PRKCZ: variants seen among roughly 807,000 people sequenced by gnomAD.
The protein encoded by PRKCZ is protein kinase C zeta, also known as protein kinase C zeta type.
In PRKCZ, 33 loss-of-function variants were observed where a neutral mutation model predicts 79.5. The observed-to-expected ratio is 0.41, with a 90% CI of 0.31 to 0.55. PRKCZ has a LOEUF of 0.55. Among genes scored for constraint, PRKCZ ranks in the 20% least tolerant of loss-of-function variants. The pLI, the probability that PRKCZ is intolerant of heterozygous loss-of-function variation, is 0.19. For missense variants in PRKCZ, 578 were observed against 813.5 expected (o/e 0.71, Z 3.52); for synonymous variants, 342 against 320.9 (o/e 1.07, Z -0.70).
chr1:2,182,859 TAGAG>T (rs1467802137), intron 16 of PRKCZ: 1 of 153,198 alleles, frequency 6.5e-6, no homozygotes, highest in Non-Finnish European at 1.5e-5. Context: ...GAGAGTGGGT[TAGAG>T]AGTGAGTGAG....
At chr1:2,137,894 C>T (rs563765704) in intron 5 of PRKCZ, among the ~76,000 whole-genome samples, 16 of 152,294 alleles carry the variant, frequency 1.1e-4, no homozygotes, top group Middle Eastern at 3.4e-3. Flanking sequence ...GGCGTGTGAA[C>T]GAGCCAGTTT....
intron 5 of PRKCZ, chr1:2,141,191 C>T (rs1416632854): frequency 6.6e-6 from 1 of 152,098 alleles, no homozygotes; most frequent in African/African-American, 2.4e-5. Context: ...TTACAAAGCA[C>T]ACACGTGAGG....
At chr1:2,067,192 G>A (rs1259102896) in intron 4 of PRKCZ, among the ~76,000 whole-genome samples, 8 of 152,130 alleles carry the variant, frequency 5.3e-5, no homozygotes, top group Admixed American at 2.0e-4. Context: ...GCTCACTTGT[G>A]TTCTGTTCTG....
chr1:2,165,713 C>G lies in PRKCZ; in HGVS notation c.975-3805C>G, dbSNP rs1374101838. Among the ~76,000 whole-genome samples the G allele has an allele frequency of 6.6e-6, 1 of 152,208 alleles. No homozygotes were observed. The highest frequency in any genetic ancestry group is 2.4e-5 in the African/African-American group (1 of 41,466). ...ACTTTCTGTACACACATGGTGGTGG[C>G]CCGCCCGGACCCATCTGGTTAATTC... On this transcript the variant is annotated intron_variant, in intron 10 of 17. Transcript: ENST00000378567. This position sits in a 1 kb window ranked among gnomAD's most constrained non-coding sequence, Gnocchi z 4.1.
At chr1:2,161,413 T>G (rs943990653) in intron 10 of PRKCZ, among the ~76,000 whole-genome samples, 9 of 152,170 alleles carry the variant, frequency 5.9e-5, no homozygotes, top group African/African-American at 2.2e-4. Context: ...CCTGCACTCT[T>G]CGGGAACACT....
intron 4 of PRKCZ, among the ~76,000 whole-genome samples, chr1:2,100,093 CAT>C (rs538924857): frequency 4.1e-4 from 63 of 152,324 alleles, no homozygotes; most frequent in Non-Finnish European, 6.8e-4. Context: ...CTGACACTGT[CAT>C]TAGGATTCCT....
intron 4 of PRKCZ, among the ~76,000 whole-genome samples, chr1:2,107,676 G>C (rs1231317625): frequency 6.6e-6 from 1 of 151,950 alleles, no homozygotes; most frequent in Admixed American, 6.6e-5. Flanking sequence ...CTGACCTTGG[G>C]TTCTCAGGAC....
At position 2,128,481 on chromosome 1, in the gene PRKCZ, C is replaced by T. The variant is rs564454801; in HGVS notation, c.335-6781C>T. ...CTACGTCTTGTCAGAGTGCTCAAGGCGCGAGATTGCCATGGAAACTGAGCT... is the reference window on the plus strand; with the variant it reads ...CTACGTCTTGTCAGAGTGCTCAAGGTGCGAGATTGCCATGGAAACTGAGCT... On this transcript the variant is annotated intron_variant, in intron 4 of 17. Coordinates refer to ENST00000378567, the MANE Select transcript of PRKCZ (RefSeq NM_002744.6). The surrounding 1 kb of genome is among the most constrained non-coding windows in gnomAD (Gnocchi z 6.5). Among the ~76,000 whole-genome samples the T allele has an allele frequency of 2.0e-5, 3 of 152,332 alleles. No homozygotes were observed. The highest frequency in any genetic ancestry group is 3.9e-4 in the East Asian group (2 of 5,186).
intron 4 of PRKCZ, among the ~76,000 whole-genome samples, chr1:2,117,061 C>CA (rs1341612310): frequency 6.6e-6 from 1 of 151,912 alleles, no homozygotes; most frequent in Admixed American, 6.6e-5. Context: ...GCAATCCTCC[C>CA]ACCTCAGCCT....
Position 2,127,401 on chromosome 1 carries a change from C to G in PRKCZ, c.335-7861C>G, listed in dbSNP as rs1019509217. Among the ~76,000 whole-genome samples the G allele has an allele frequency of 2.6e-5, 4 of 152,128 alleles. No homozygotes were observed. The highest frequency in any genetic ancestry group is 9.7e-5 in the African/African-American group (4 of 41,420). On this transcript the variant is annotated intron_variant, in intron 4 of 17. Transcript: ENST00000378567. The surrounding 1 kb of genome is among the most constrained non-coding windows in gnomAD (Gnocchi z 5.1). ...AGGGGCTGCACCTCCACTGCCCCCC[C>G]CACCGCCGCCCCTGCCCCACGGCCA...
chr1:2,162,234 G>A (rs1489959957), intron 10 of PRKCZ, among the ~76,000 whole-genome samples: 1 of 152,158 alleles, frequency 6.6e-6, no homozygotes, highest in Non-Finnish European at 1.5e-5. Flanking sequence ...TGGGTTCGAG[G>A]AATTCTCATG....
At chr1:2,133,136 T>C (rs1307057979) in intron 4 of PRKCZ, among the ~76,000 whole-genome samples, 2 of 152,304 alleles carry the variant, frequency 1.3e-5, no homozygotes, top group East Asian at 1.9e-4. Context: ...GGATGTCCAG[T>C]TGGCGCATTT....
intron 10 of PRKCZ, among the ~76,000 whole-genome samples, chr1:2,158,713 T>C (rs891725742): frequency 2.0e-5 from 3 of 152,206 alleles, no homozygotes; most frequent in Non-Finnish European, 4.4e-5. Context: ...TATCCCACCC[T>C]CACTTCCCCT....
rs140876725 is a variant in PRKCZ at position 2,099,023 on chromosome 1, C to T, written c.335-36239C>T. Among the ~76,000 whole-genome samples, 1,043 of 151,408 alleles carry T rather than the reference C, an allele frequency of 6.9e-3. 9 individuals carry two copies. Among genetic ancestry groups the T allele is most frequent in the Middle Eastern group, 0.017 (5 of 294 alleles). On this transcript the variant is annotated intron_variant, in intron 4 of 17. Coordinates refer to ENST00000378567, the MANE Select transcript of PRKCZ (RefSeq NM_002744.6). The stretch of plus-strand genomic sequence containing the variant: ...CTGCTCTGGGCCTGATCGCATGCAC[C>T]GTTGTCTGTGCTGTGACTTCCGTCG...
intron 4 of PRKCZ, among the ~76,000 whole-genome samples, chr1:2,081,007 G>A (rs1571224257): frequency 1.3e-5 from 2 of 152,142 alleles, no homozygotes; most frequent in Admixed American, 6.5e-5. Flanking sequence ...CAGCCTGTCC[G>A]TGCTGGCCTT....
intron 4 of PRKCZ, among the ~76,000 whole-genome samples, chr1:2,097,064 G>A (rs1367576629): frequency 3.3e-5 from 5 of 152,222 alleles, no homozygotes; most frequent in East Asian, 3.9e-4. Flanking sequence ...CACAGACTCC[G>A]ACTCCATTCT....
intron 10 of PRKCZ, among the ~76,000 whole-genome samples, chr1:2,159,411 G>A (rs74046941): frequency 8.1e-4 from 123 of 152,330 alleles, no homozygotes; most frequent in Non-Finnish European, 1.3e-3. Context: ...GAGGTTTTGC[G>A]TGGGCCCCTT....
intron 16 of PRKCZ, among the ~76,000 whole-genome samples, chr1:2,181,407 A>G (rs1686585800): frequency 6.6e-6 from 1 of 152,172 alleles, no homozygotes; most frequent in African/African-American, 2.4e-5. Context: ...GGTTGCAGCC[A>G]CAGGGGCAAC....
At chr1:2,157,517 A>G (rs980481695) in intron 10 of PRKCZ, among the ~76,000 whole-genome samples, 3 of 152,048 alleles carry the variant, frequency 2.0e-5, no homozygotes, top group African/African-American at 7.2e-5. Flanking sequence ...TCCTGGGTTC[A>G]AGCAATTCTC....
Sources: gnomAD v4.1 joint callset for allele counts (sites outside exome capture counted in the v4.1 genomes callset) on GRCh38, gnomAD v4.1.1 for gene constraint, Gnocchi (gnomAD v3.1) non-coding constraint, MANE v1.5 for transcripts, NCBI Gene and HGNC (gene_info 2026-07-23, HGNC 2026-07-21) for gene names.